The following CLIC4 variants were observed in gnomAD, a reference collection of about 807,000 sequenced individuals.
CLIC4 encodes the protein CLIC family member 4.
Under a neutral mutation model 24.6 loss-of-function variants are expected in CLIC4, and 13 were observed. That is an observed-to-expected ratio of 0.53 (90% CI 0.34 to 0.84). The LOEUF (loss-of-function observed/expected upper bound fraction) is 0.84. Ranked by LOEUF, CLIC4 falls within the 40% of genes least tolerant of loss-of-function variation. CLIC4 has a pLI of 0.01. For missense variants in CLIC4, 227 were observed against 301.7 expected, an observed-to-expected ratio of 0.75 and a Z score of 1.83; for synonymous variants, 104 against 111.3, an observed-to-expected ratio of 0.93 and a Z score of 0.41.
At position 24,814,106 on chromosome 1, in the gene CLIC4, C is replaced by T. The variant is rs1639644601; in HGVS notation, c.195C>T (p.Asp65=). 6.2e-7 allele frequency: 1 copy of T among 1,613,626 alleles called. No homozygotes were observed. The highest frequency in any genetic ancestry group is 8.5e-7 in the Non-Finnish European group (1 of 1,180,008). Residue 65 remains aspartate, a synonymous_variant, in exon 3 of 6, where the codon GAC becomes GAT. Transcript: ENST00000374379. The part of the protein sequence containing the change: ...TTVDLKRKPA[D]LQNLAPGTHP... ...TTTTGCCCAACAGGAAGCCAGCAGA[C>T]CTGCAGAACTTGGCTCCCGGGACCC...
chr1:24,841,045 A>G lies in CLIC4; in HGVS notation c.*108A>G. 1.1e-6 allele frequency: 1 copy of G among 873,050 alleles called. No homozygotes were observed. Among genetic ancestry groups the G allele is most frequent in the Non-Finnish European group, 1.7e-6 (1 of 573,656 alleles). The allele number at this position is 873,050 out of a possible 1,614,324, so 54.1% of individuals were successfully genotyped here. A position where few individuals can be genotyped will look rare whatever the true frequency, so the allele number is the denominator to read the frequency against. On this transcript the variant is annotated 3_prime_UTR_variant, in exon 6 of 6. Coordinates refer to ENST00000374379, the MANE Select transcript of CLIC4 (RefSeq NM_013943.3). ...GAAATTGTATTTTGCACGAACATGC[A>G]GTTATTGAAGATTAGGATCAAGGAT... is the stretch of plus-strand genomic sequence containing the variant.
intron 1 of CLIC4, among the ~76,000 whole-genome samples, chr1:24,794,226 G>A (rs1339633629): frequency 6.6e-6 from 1 of 152,104 alleles, no homozygotes; most frequent in Non-Finnish European, 1.5e-5. Flanking sequence ...TTGCTGAGTC[G>A]AATGGTAGTT....
intron 1 of CLIC4, among the ~76,000 whole-genome samples, chr1:24,767,817 A>T (rs1489821680): frequency 6.6e-6 from 1 of 151,400 alleles, no homozygotes; most frequent in African/African-American, 2.4e-5. Flanking sequence ...AAATACTCTT[A>T]ATTAAAAATT....
intron 2 of CLIC4, among the ~76,000 whole-genome samples, chr1:24,808,490 A>G (rs111359794): frequency 0.02 from 3,034 of 152,026 alleles, 96 homozygotes; most frequent in African/African-American, 0.07. Flanking sequence ...CATGTTCAGT[A>G]CAACTGCAAC....
chr1:24,838,565 C>T (rs1417429045), intron 4 of CLIC4, among the ~76,000 whole-genome samples: 1 of 152,054 alleles, frequency 6.6e-6, no homozygotes, highest in Non-Finnish European at 1.5e-5. Flanking sequence ...CCTTAAAGGA[C>T]ACAACTGAAT....
intron 1 of CLIC4, among the ~76,000 whole-genome samples, chr1:24,758,613 T>C (rs952373289): frequency 1.3e-5 from 2 of 152,032 alleles, no homozygotes; most frequent in Non-Finnish European, 2.9e-5. Context: ...CGTACCACCA[T>C]GCCTGGCTTA....
intron 2 of CLIC4, among the ~76,000 whole-genome samples, chr1:24,804,276 G>A (rs1639521726): frequency 6.6e-6 from 1 of 151,790 alleles, no homozygotes; most frequent in African/African-American, 2.4e-5. Flanking sequence ...GCTACATGAA[G>A]CACTTGTTAG....
chr1:24,772,498 TAG>T (rs1041850368), intron 1 of CLIC4, among the ~76,000 whole-genome samples: 2 of 152,202 alleles, frequency 1.3e-5, no homozygotes, highest in Non-Finnish European at 2.9e-5. Context: ...TGTATATATA[TAG>T]AGAGAGACGG....
intron 3 of CLIC4, 92 bp downstream of exon 3, chr1:24,814,311 T>G: frequency 7.3e-7 from 1 of 1,373,222 alleles, no homozygotes; most frequent in Non-Finnish European, 1.0e-6. Context: ...AGCATTAATT[T>G]GGAATGACTA....
chr1:24,780,459 C>G (rs750023596), intron 1 of CLIC4, among the ~76,000 whole-genome samples: 1 of 152,226 alleles, frequency 6.6e-6, no homozygotes, highest in South Asian at 2.1e-4. Flanking sequence ...CACGATCTGG[C>G]CCCTGCCAAC....
intron 3 of CLIC4, among the ~76,000 whole-genome samples, chr1:24,824,333 T>A (rs1444084289): frequency 6.6e-6 from 1 of 152,184 alleles, no homozygotes; most frequent in Non-Finnish European, 1.5e-5. Context: ...AGTGGCATGA[T>A]CTCTGCTCAC....
chr1:24,779,290 T>A (rs920521648), intron 1 of CLIC4, among the ~76,000 whole-genome samples: 1 of 151,904 alleles, frequency 6.6e-6, no homozygotes, highest in Non-Finnish European at 1.5e-5. Flanking sequence ...GGCAACATAG[T>A]GAAACTCTGA....
intron 1 of CLIC4, among the ~76,000 whole-genome samples, chr1:24,791,998 G>A (rs1639345029): frequency 6.7e-6 from 1 of 148,720 alleles, no homozygotes; most frequent in African/African-American, 2.5e-5. Flanking sequence ...GCAATGAGCC[G>A]AGATGACACC....
At chr1:24,769,029 C>G (rs1248299675) in intron 1 of CLIC4, among the ~76,000 whole-genome samples, 1 of 151,838 alleles carries the variant, frequency 6.6e-6, no homozygotes, top group African/African-American at 2.4e-5. Context: ...CCTGTGGTCT[C>G]AGCTACTAGT....
intron 4 of CLIC4, among the ~76,000 whole-genome samples, chr1:24,839,448 C>T (rs970643492): frequency 2.0e-5 from 3 of 152,050 alleles, no homozygotes; most frequent in African/African-American, 4.8e-5. Context: ...TACAGGCGCC[C>T]GCCACCACGC....
Position 24,836,432 on chromosome 1 carries a change from A to G in CLIC4, c.416-3428A>G, listed in dbSNP as rs192643882. 4.6e-5 allele frequency among the ~76,000 whole-genome samples: 7 copies of G among 152,292 alleles called. 1 individual carries two copies. Among genetic ancestry groups the G allele is most frequent in the Admixed American group, 3.3e-4 (5 of 15,278 alleles). ...CTTTTGTTTTTCAAATGCACATGGA[A>G]CAAAATTGATGGTAAAGCTGGGCCA... is the stretch of plus-strand genomic sequence containing the variant. On this transcript the variant is annotated intron_variant, in intron 4 of 5. Transcript: ENST00000374379.
chr1:24,813,918 A>G (rs752086254), intron 2 of CLIC4, among the ~76,000 whole-genome samples, 176 bp from the exon 3 acceptor site: 1 of 151,836 alleles, frequency 6.6e-6, no homozygotes, highest in Non-Finnish European at 1.5e-5. Context: ...GGATCTTACC[A>G]TGTTGCCCAG....
At chr1:24,824,779 A>T (rs2124164888) in intron 3 of CLIC4, among the ~76,000 whole-genome samples, 2 of 152,106 alleles carry the variant, frequency 1.3e-5, no homozygotes, top group East Asian at 3.9e-4. Context: ...CAGGAGGATC[A>T]CTTGAGCCCA....
At chr1:24,819,319 G>C (rs1272625090) in intron 3 of CLIC4, among the ~76,000 whole-genome samples, 1 of 151,776 alleles carries the variant, frequency 6.6e-6, no homozygotes, top group Non-Finnish European at 1.5e-5. Flanking sequence ...TTTCCTTCAG[G>C]CCATGCATAT....
Sources: gnomAD v4.1 joint callset for allele counts (sites outside exome capture counted in the v4.1 genomes callset) on GRCh38, gnomAD v4.1.1 for gene constraint, MANE v1.5 for transcripts, NCBI Gene and HGNC (gene_info 2026-07-23, HGNC 2026-07-21) for gene names.